Variants in SSRP1 observed in about 807,000 individuals in gnomAD.
SSRP1 encodes structure specific recognition protein 1, also known as FACT complex subunit SSRP1.
In SSRP1, 21 loss-of-function variants were observed where a neutral mutation model predicts 84.4. The observed-to-expected ratio is 0.25, with a 90% CI of 0.18 to 0.36. SSRP1 has a LOEUF of 0.36. Among genes scored for constraint, SSRP1 ranks in the 10% least tolerant of loss-of-function variants. SSRP1 has a pLI of 1.00. For synonymous variants in SSRP1, 319 were observed against 318.3 expected (o/e 1.00, Z -0.02); for missense variants, 519 against 900.8 (o/e 0.58, Z 5.43).
chr11:57,330,940 A>G lies in SSRP1; in HGVS notation c.1224-13T>C, dbSNP rs1454342579. 3.1e-6 allele frequency: 5 copies of G among 1,613,874 alleles called. No individual in the cohort carries two copies. The highest frequency in any genetic ancestry group is 2.2e-5 in the South Asian group (2 of 91,082). On this transcript the variant is annotated splice_polypyrimidine_tract_variant and intron_variant, in intron 9 of 16. Coordinates refer to ENST00000278412, the MANE Select transcript of SSRP1 (RefSeq NM_003146.3). The surrounding 1 kb of genome is among the most constrained non-coding windows in gnomAD (Gnocchi z 4.0). ...CCCGTACTCCTCCCTGTGAGGGGAC[A>G]TGCACCATGTTACCAGAGAGGTAGT...
Position 57,331,899 on chromosome 11 carries a change from G to T in SSRP1, c.1002-10C>A. 6.2e-7 allele frequency: 1 copy of T among 1,606,262 alleles called. No individual in the cohort carries two copies. The highest frequency in any genetic ancestry group is 2.2e-5 in the East Asian group (1 of 44,574). On this transcript the variant is annotated splice_polypyrimidine_tract_variant and intron_variant, in intron 8 of 16. Coordinates refer to ENST00000278412, the MANE Select transcript of SSRP1 (RefSeq NM_003146.3). ...CTGGGCCCCTGAGTGCCTGACAGAG[G>T]GTGCAGGGAGCCTGGTTAGTGCCAA...
chr11:57,330,944 A>C lies in SSRP1; in HGVS notation c.1224-17T>G. 1.2e-6 allele frequency: 2 copies of C among 1,613,950 alleles called. No homozygotes were observed. The highest frequency in any genetic ancestry group is 1.7e-6 in the Non-Finnish European group (2 of 1,179,828). On this transcript the variant is annotated splice_polypyrimidine_tract_variant and intron_variant, in intron 9 of 16. Coordinates refer to ENST00000278412, the MANE Select transcript of SSRP1 (RefSeq NM_003146.3). The surrounding 1 kb of genome is among the most constrained non-coding windows in gnomAD (Gnocchi z 4.0). ...TACTCCTCCCTGTGAGGGGACATGC[A>C]CCATGTTACCAGAGAGGTAGTGCCA...
intron 13 of SSRP1, 58 bp downstream of exon 13, chr11:57,328,239 C>T: frequency 6.3e-7 from 1 of 1,588,484 alleles, no homozygotes; most frequent in Middle Eastern, 1.7e-4. Flanking sequence ...AAAGAGAATG[C>T]CTCCCACGCC....
intron 16 of SSRP1, 64 bp downstream of exon 16, chr11:57,326,639 A>G (rs1855987053): frequency 1.3e-6 from 2 of 1,584,098 alleles, no homozygotes; most frequent in Non-Finnish European, 1.7e-6. Context: ...TTACAGACCA[A>G]CCCCACACAG....
In SSRP1 at chr11:57,326,584, C is replaced by G. The variant is rs115442761; in HGVS notation, c.2059-106G>C. The G allele has an allele frequency of 2.8e-3, 4,386 of 1,589,114 alleles. 108 individuals are homozygous for G. The African/African-American group carries it at 0.052, about 19-fold the overall frequency. ...CTACCGCCCCCAACTACAGCACCCC[C>G]CTTCAGAACCTCAGAATTCCACCAT... On this transcript the variant is annotated intron_variant, in intron 16 of 16. Transcript: ENST00000278412.
Position 57,335,143 on chromosome 11 carries a change from C to T in SSRP1, c.-22G>A. 1 of 1,613,904 alleles carries T rather than the reference C, an allele frequency of 6.2e-7. No homozygotes were observed. Among genetic ancestry groups the T allele is most frequent in the Middle Eastern group, 1.6e-4 (1 of 6,062 alleles). The stretch of plus-strand genomic sequence containing the variant: ...CCATGTCGACCCCTGCCTGTGGTGG[C>T]CTGGGCAGAGCCCCAGGCTGCACAA... On this transcript the variant is annotated 5_prime_UTR_variant, in exon 2 of 17. Coordinates refer to ENST00000278412, the MANE Select transcript of SSRP1 (RefSeq NM_003146.3). This position sits in a 1 kb window ranked among gnomAD's most constrained non-coding sequence, Gnocchi z 4.6.
Position 57,330,548 on chromosome 11 carries a change from C to T in SSRP1, c.1297-119G>A. The T allele has an allele frequency of 6.7e-7, 1 of 1,491,704 alleles. No individual in the cohort carries two copies. The highest frequency in any genetic ancestry group is 8.9e-7 in the Non-Finnish European group (1 of 1,118,644). The allele number at this position is 1,491,704 out of a possible 1,614,324, so 92.4% of individuals were successfully genotyped here. On this transcript the variant is annotated intron_variant, in intron 10 of 16. Transcript: ENST00000278412. The surrounding 1 kb of genome is among the most constrained non-coding windows in gnomAD (Gnocchi z 4.0). ...GCAGCAGCTCCCAGAAGACCTGGGG[C>T]TGGATTGTCCACACACAGCCAACGT...
At position 57,335,072 on chromosome 11, in the gene SSRP1, G is replaced by A; in HGVS notation, c.50C>T (p.Ser17Phe). ...ACCTGTCCAAGCCATTCTCACCATG[G>A]AACCTTTCACCTCCTGATAGACGTC... Reference protein sequence around the residue: ...FNDVYQEVKGSMNDGRLRLSR... With the variant: ...FNDVYQEVKGFMNDGRLRLSR... The change falls in exon 2 of 17, where the codon TCC (serine) becomes TTC (phenylalanine). Residue 17 changes from serine to phenylalanine, a missense_variant. By Grantham distance (155) the Ser-to-Phe change is radical (BLOSUM62 -2). Transcript: ENST00000278412. The surrounding 1 kb of genome is among the most constrained non-coding windows in gnomAD (Gnocchi z 4.6). 1 of 1,613,992 alleles carries A rather than the reference G, an allele frequency of 6.2e-7. No individual in the cohort carries two copies. The highest frequency in any genetic ancestry group is 2.2e-5 in the East Asian group (1 of 44,862).
Position 57,326,883 on chromosome 11 carries a change from C to T in SSRP1, c.1878G>A (p.Lys626=), listed in dbSNP as rs768835099. The T allele has an allele frequency of 4.4e-6, 7 of 1,604,258 alleles. No individual in the cohort carries two copies. Among genetic ancestry groups the T allele is most frequent in the Non-Finnish European group, 5.1e-6 (6 of 1,174,882 alleles). The part of the protein sequence containing the change: ...GGRGESSKRD[K]SKKKKKVKVK... ...CCTTTACTTTCTTCTTCTTCTTTGACTTGTCCCTGTATTGGCAAGAGGGAA... is the reference window on the plus strand; with the variant it reads ...CCTTTACTTTCTTCTTCTTCTTTGATTTGTCCCTGTATTGGCAAGAGGGAA... The change falls in exon 16 of 17, where the codon AAG becomes AAA. Residue 626 remains lysine, a synonymous_variant. Transcript: ENST00000278412.
intron 9 of SSRP1, 41 bp downstream of exon 9, chr11:57,331,627 G>A (rs543416385): frequency 1.2e-5 from 18 of 1,549,414 alleles, no homozygotes; most frequent in Admixed American, 6.7e-5. Flanking sequence ...AAGCTGGCTC[G>A]GGACCAGGAT....
At position 57,330,637 on chromosome 11, in the gene SSRP1, T is replaced by C; in HGVS notation, c.1297-208A>G. 2 of 1,439,364 alleles carry C rather than the reference T, an allele frequency of 1.4e-6. No homozygotes were observed. Among genetic ancestry groups the C allele is most frequent in the Non-Finnish European group, 1.8e-6 (2 of 1,101,092 alleles). The allele number at this position is 1,439,364 out of a possible 1,614,324, so 89.2% of individuals were successfully genotyped here. On this transcript the variant is annotated intron_variant, in intron 10 of 16. Coordinates refer to ENST00000278412, the MANE Select transcript of SSRP1 (RefSeq NM_003146.3). This position sits in a 1 kb window ranked among gnomAD's most constrained non-coding sequence, Gnocchi z 4.0. ...AGTCCAAGCCCCAAGCCCCTCCCTC[T>C]CCCAGCCCCACTGGGGGCTCCTGAG...
At chr11:57,333,330 T>C (rs954286619) in intron 4 of SSRP1, 105 bp downstream of exon 4, 30 of 1,186,236 alleles carry the variant, frequency 2.5e-5, no homozygotes, top group African/African-American at 1.1e-4. Flanking sequence ...TGCAAATAGA[T>C]AGGAAACCAG....
In SSRP1 at chr11:57,328,218, C is replaced by T; in HGVS notation, c.1611+79G>A. ...AAGAACAGGTCCTACTGGTGGTGGACAGGAGAAGGTAAAGAGAATGCCTCC... is the reference window on the plus strand; with the variant it reads ...AAGAACAGGTCCTACTGGTGGTGGATAGGAGAAGGTAAAGAGAATGCCTCC... On this transcript the variant is annotated intron_variant, in intron 13 of 16. Transcript: ENST00000278412. 2.6e-6 allele frequency: 4 copies of T among 1,561,706 alleles called. 1 individual carries two copies. In the South Asian group the frequency reaches 4.9e-5, roughly 19 times the overall value.
intron 13 of SSRP1, 124 bp from the exon 14 acceptor site, chr11:57,328,006 G>C (rs1856018508): frequency 1.6e-6 from 2 of 1,231,142 alleles, no homozygotes; most frequent in Admixed American, 2.3e-5. Flanking sequence ...GGCGAGACGA[G>C]AGCTCCCTAA....
Position 57,331,742 on chromosome 11 carries a change from G to A in SSRP1, c.1149C>T (p.Thr383=). 3 of 1,614,196 alleles carry A rather than the reference G, an allele frequency of 1.9e-6. No homozygotes were observed. The highest frequency in any genetic ancestry group is 1.7e-6 in the Non-Finnish European group (2 of 1,180,044). The change falls in exon 9 of 17, where the codon ACC becomes ACT. Residue 383 remains threonine, a synonymous_variant. Transcript: ENST00000278412. Reference sequence around the variant, plus strand: ...CAAAGTCAAAGGAACGAGTAGTAGTGGTACCACGAGCAAAGTTGACAAAGG... The same window carrying A: ...CAAAGTCAAAGGAACGAGTAGTAGTAGTACCACGAGCAAAGTTGACAAAGG... ...EISFVNFARG[T]TTTRSFDFEI...
Position 57,330,021 on chromosome 11 carries a change from G to T in SSRP1, c.1481+72C>A. 6.3e-7 allele frequency: 1 copy of T among 1,579,364 alleles called. No homozygotes were observed. Among genetic ancestry groups the T allele is most frequent in the Non-Finnish European group, 8.7e-7 (1 of 1,148,552 alleles). On this transcript the variant is annotated intron_variant, in intron 12 of 16. Coordinates refer to ENST00000278412, the MANE Select transcript of SSRP1 (RefSeq NM_003146.3). This position sits in a 1 kb window ranked among gnomAD's most constrained non-coding sequence, Gnocchi z 4.0. ...TAGCTAATGCTGGGACCTGAGAAAT[G>T]TCCAGAAATCTTCTGGTCCCTTAAG... is the stretch of plus-strand genomic sequence containing the variant.
In SSRP1 at chr11:57,327,777, T is replaced by C. The variant is rs1856014024; in HGVS notation, c.1717A>G (p.Ser573Gly). Residue 573 changes from serine to glycine, a missense_variant, in exon 14 of 17, where the codon AGC (serine) becomes GGC (glycine). Transcript: ENST00000278412. Reference sequence around the variant, plus strand: ...GCCTTCTTGGAAAGATCCGTGATGCTGATGCCAGGATGGTCTGACTTGATC... The same window carrying C: ...GCCTTCTTGGAAAGATCCGTGATGCCGATGCCAGGATGGTCTGACTTGATC... ...EKIKSDHPGI[S>G]ITDLSKKAGE... 6.2e-7 allele frequency: 1 copy of C among 1,614,162 alleles called. No homozygotes were observed.
At chr11:57,333,668 C>T (rs1482871762) in intron 3 of SSRP1, 128 bp from the exon 4 acceptor site, 7 of 662,432 alleles carry the variant, frequency 1.1e-5, no homozygotes, top group Admixed American at 5.0e-5. Flanking sequence ...TCCATGCTGA[C>T]TTAGCAACCC....
intron 15 of SSRP1, 110 bp downstream of exon 15, chr11:57,327,316 G>A (rs1174713495): frequency 8.6e-7 from 1 of 1,158,242 alleles, no homozygotes; most frequent in Non-Finnish European, 1.3e-6. Flanking sequence ...CCCTACTGCA[G>A]TCAGAAGCAT....
Sources: gnomAD v4.1 joint callset for allele counts on GRCh38, gnomAD v4.1.1 for gene constraint, Gnocchi (gnomAD v3.1) non-coding constraint, MANE v1.5 for transcripts, NCBI Gene and HGNC (gene_info 2026-07-23, HGNC 2026-07-21) for gene names.